Variants in USP34 observed in about 807,000 individuals in gnomAD.
USP34 encodes ubiquitin specific peptidase 34.
Under a neutral mutation model 460.3 loss-of-function variants are expected in USP34, and 70 were observed. That is an observed-to-expected ratio of 0.15 (90% CI 0.13 to 0.19). USP34 has a LOEUF of 0.19. USP34 is among the 10% of genes least tolerant of loss of function. USP34 has a pLI of 1.00. For synonymous variants in USP34, 1,647 were observed against 1,405.3 expected, an observed-to-expected ratio of 1.17 and a Z score of -3.85; for missense variants, 3,985 against 4,236.2, an observed-to-expected ratio of 0.94 and a Z score of 1.65.
chr2:61,458,974 G>A (rs1013657474), intron 1 of USP34, among the ~76,000 whole-genome samples: 1 of 152,180 alleles, frequency 6.6e-6, no homozygotes, highest in African/African-American at 2.4e-5. Context: ...GCTGAGGCAG[G>A]AGAATTGCTT....
At chr2:61,191,020 A>T (rs1301630930) in intron 76 of USP34, 1 of 173,272 alleles carries the variant, frequency 5.8e-6, no homozygotes, top group Non-Finnish European at 1.2e-5. Flanking sequence ...GGGCCAAATT[A>T]ATGTATTTAT....
chr2:61,314,534 T>A, intron 25 of USP34, 51 bp downstream of exon 25: 1 of 1,371,008 alleles, frequency 7.3e-7, no homozygotes, highest in Non-Finnish European at 9.5e-7. Context: ...TCTGGATATG[T>A]CAGGAATAAA....
chr2:61,227,090 C>G lies in USP34; in HGVS notation c.7572G>C (p.Leu2524Phe). 2 of 1,611,626 alleles carry G rather than the reference C, an allele frequency of 1.2e-6. No individual in the cohort carries two copies. Among genetic ancestry groups the G allele is most frequent in the Non-Finnish European group, 1.7e-6 (2 of 1,179,494 alleles). ...LEKMIALVAL[L>F]VEQSRSERHL... ...ACCTTTCTGATCGAGACTGTTCAACCAAAAGAGCAACTAAAGCTATCATCT... is the reference window on the plus strand; with the variant it reads ...ACCTTTCTGATCGAGACTGTTCAACGAAAAGAGCAACTAAAGCTATCATCT... The change falls in exon 62 of 80, where the codon TTG becomes TTC. Residue 2524 changes from leucine to phenylalanine, a missense_variant. This residue lies in a region of USP34 where 604 missense variants were observed against 684.8 expected (regional missense o/e 0.88). Coordinates refer to ENST00000398571, the MANE Select transcript of USP34 (RefSeq NM_014709.4).
chr2:61,348,020 G>A lies in USP34; in HGVS notation c.2135C>T (p.Thr712Ile), dbSNP rs1388791586. ...CTCCTGAGACCCTTGTGCTATATGA[G>A]TAGCATTCATTTCCCCTGAAATATC... ...EHDISGEMNA[T>I]HIAQGSQESC... is the part of the protein sequence containing the mutation. The change falls in exon 15 of 80, where the codon ACT (threonine) becomes ATT (isoleucine). Residue 712 changes from threonine (T) to isoleucine (I), a missense_variant. By Grantham distance (89) the Thr-to-Ile change is moderately conservative. Coordinates refer to ENST00000398571, the MANE Select transcript of USP34 (RefSeq NM_014709.4). 1 of 1,614,158 alleles carries A rather than the reference G, an allele frequency of 6.2e-7. No individual in the cohort carries two copies. The highest frequency in any genetic ancestry group is 8.5e-7 in the Non-Finnish European group (1 of 1,180,018).
chr2:61,453,711 T>A (rs1215147397), intron 1 of USP34, among the ~76,000 whole-genome samples: 24 of 90,032 alleles, frequency 2.7e-4, no homozygotes, highest in African/African-American at 8.3e-4. Context: ...TGACATTCCA[T>A]CTCAAAAAAA....
intron 34 of USP34, among the ~76,000 whole-genome samples, chr2:61,287,431 C>T (rs912792611): frequency 1.3e-5 from 2 of 152,176 alleles, no homozygotes; most frequent in South Asian, 2.1e-4. Flanking sequence ...TTTTATTGCT[C>T]GATGTCCTGG....
intron 43 of USP34, among the ~76,000 whole-genome samples, chr2:61,262,326 C>G (rs1042158153): frequency 1.8e-4 from 28 of 151,716 alleles, no homozygotes; most frequent in Non-Finnish European, 3.4e-4. Flanking sequence ...TTTTTCAATC[C>G]TGTTCCTCTT....
chr2:61,217,397 T>A (rs1687433991), intron 67 of USP34, among the ~76,000 whole-genome samples: 1 of 152,230 alleles, frequency 6.6e-6, no homozygotes, highest in Non-Finnish European at 1.5e-5. Flanking sequence ...TTAGGAGTAT[T>A]CCTATGAAGC....
chr2:61,416,930 C>A, intron 2 of USP34: 1 of 1,160,774 alleles, frequency 8.6e-7, no homozygotes, highest in Non-Finnish European at 1.3e-6. Flanking sequence ...TGAATGGCGA[C>A]ATACTTGACC....
intron 8 of USP34, among the ~76,000 whole-genome samples, chr2:61,377,644 G>A (rs1692836043): frequency 6.6e-6 from 1 of 152,102 alleles, no homozygotes; most frequent in East Asian, 1.9e-4. Flanking sequence ...GACCCCACCA[G>A]AACTTGACGA....
chr2:61,314,835 C>G lies in USP34; in HGVS notation c.3382+40G>C, dbSNP rs375872022. ...ATTTTAGTTTCACAAAACACCCTCACATAGAAATTACCTATCAGACAATGT... is the reference window on the plus strand; with the variant it reads ...ATTTTAGTTTCACAAAACACCCTCAGATAGAAATTACCTATCAGACAATGT... On this transcript the variant is annotated intron_variant, in intron 24 of 79. Transcript: ENST00000398571. 7.6e-5 allele frequency: 122 copies of G among 1,599,098 alleles called. 1 individual carries two copies. Among genetic ancestry groups the G allele is most frequent in the Admixed American group, 1.1e-4 (6 of 56,178 alleles).
intron 69 of USP34, 67 bp downstream of exon 69, chr2:61,211,705 A>G: frequency 7.0e-7 from 1 of 1,421,512 alleles, no homozygotes. Context: ...ATTTATCTTT[A>G]AACATCAAAA....
intron 51 of USP34, among the ~76,000 whole-genome samples, chr2:61,244,097 A>G (rs1244747530): frequency 1.3e-5 from 2 of 152,098 alleles, no homozygotes; most frequent in Non-Finnish European, 2.9e-5. Context: ...ACTTTCGGCT[A>G]AGATCAACTA....
intron 49 of USP34, among the ~76,000 whole-genome samples, chr2:61,247,877 C>A (rs1044045091): frequency 6.6e-6 from 1 of 152,136 alleles, no homozygotes; most frequent in Non-Finnish European, 1.5e-5. Context: ...TCACTGCACC[C>A]TTCCTAAAGA....
At chr2:61,311,726 G>C (rs767427929) in intron 26 of USP34, 39 bp from the exon 27 acceptor site, 1 of 1,608,526 alleles carries the variant, frequency 6.2e-7, no homozygotes, top group South Asian at 1.1e-5. Flanking sequence ...AATACAAAAA[G>C]AACAGATATT....
chr2:61,265,282 T>A lies in USP34; in HGVS notation c.5778+115A>T, dbSNP rs1157434173. 2.6e-6 allele frequency: 3 copies of A among 1,170,492 alleles called. No homozygotes were observed. In the African/African-American group the frequency reaches 4.7e-5, roughly 18 times the overall value. 72.5% of individuals were successfully genotyped at this position (1,170,492 alleles called of 1,614,324 possible). ...ATTAGCTAGTTACTGTAATCAAATT[T>A]ACTTTTATTCACAAATTATTTTTTC... On this transcript the variant is annotated intron_variant, in intron 43 of 79. Coordinates refer to ENST00000398571, the MANE Select transcript of USP34 (RefSeq NM_014709.4).
At chr2:61,251,890 C>T (rs1688593206) in intron 48 of USP34, among the ~76,000 whole-genome samples, 1 of 151,860 alleles carries the variant, frequency 6.6e-6, no homozygotes, top group African/African-American at 2.4e-5. Context: ...CCTTGATATA[C>T]TGTATATACG....
At chr2:61,386,560 G>A (rs1693151014) in intron 5 of USP34, among the ~76,000 whole-genome samples, 1 of 152,090 alleles carries the variant, frequency 6.6e-6, no homozygotes, top group Admixed American at 6.5e-5. Context: ...GGGAGCCGAG[G>A]CAGATGGATC....
intron 1 of USP34, among the ~76,000 whole-genome samples, chr2:61,440,518 ATTT>A (rs1229533998): frequency 1.4e-5 from 2 of 140,310 alleles, no homozygotes; most frequent in Non-Finnish European, 1.6e-5. Flanking sequence ...CCCTTTTTAA[ATTT>A]TTTTTTTTTT....
Sources: gnomAD v4.1 joint callset for allele counts (sites outside exome capture counted in the v4.1 genomes callset) on GRCh38, gnomAD v4.1.1 for gene constraint, gnomAD v4.1.1 regional missense constraint, MANE v1.5 for transcripts, NCBI Gene and HGNC (gene_info 2026-07-23, HGNC 2026-07-21) for gene names.